The following SV2B variants were observed in gnomAD, a reference collection of about 807,000 sequenced individuals.
SV2B encodes solute carrier family 22 member B2.
Under a neutral mutation model 73.9 loss-of-function variants are expected in SV2B, and 41 were observed. The ratio of observed to expected loss-of-function variants is 0.56; its 90% CI spans 0.43 to 0.72. SV2B has a LOEUF of 0.72. Ranked by LOEUF, SV2B falls within the 30% of genes least tolerant of loss-of-function variation. The probability of loss-of-function intolerance (pLI) is 0.00; values close to 1 mark genes in which losing one functional copy is unlikely to be tolerated. For synonymous variants in SV2B, 314 were observed against 314.2 expected, an observed-to-expected ratio of 1.00 and a Z score of 0.01; for missense variants, 764 against 857.8, an observed-to-expected ratio of 0.89 and a Z score of 1.37.
At chr15:91,211,780 G>A (rs1421417256) in intron 1 of SV2B, among the ~76,000 whole-genome samples, 9 of 148,630 alleles carry the variant, frequency 6.1e-5, no homozygotes, top group Admixed American at 1.3e-4. Context: ...GGGATTACAG[G>A]CATGAGCCAC....
Position 91,252,316 on chromosome 15 carries a change from A to G in SV2B, c.633-53A>G. 6.4e-7 allele frequency: 1 copy of G among 1,557,130 alleles called. No individual in the cohort carries two copies. Among genetic ancestry groups the G allele is most frequent in the Non-Finnish European group, 8.7e-7 (1 of 1,149,178 alleles). ...TATAGGCAACTTGGTTTCTGCTGTG[A>G]CCATTTTTAGTGTATGACTTGATTC... On this transcript the variant is annotated intron_variant, in intron 3 of 12. Coordinates refer to ENST00000394232, the MANE Select transcript of SV2B (RefSeq NM_001323032.3). The surrounding 1 kb of genome is among the most constrained non-coding windows in gnomAD (Gnocchi z 4.6).
chr15:91,111,193 A>T (rs1284355870), intron 1 of SV2B, among the ~76,000 whole-genome samples: 1 of 152,304 alleles, frequency 6.6e-6, no homozygotes, highest in South Asian at 2.1e-4. Context: ...AGGCCGGGCT[A>T]GTCCTATCAG....
At chr15:91,205,884 C>T (rs750584271) in intron 1 of SV2B, among the ~76,000 whole-genome samples, 4 of 152,164 alleles carry the variant, frequency 2.6e-5, no homozygotes, top group African/African-American at 4.8e-5. Context: ...GCAGCAGTCA[C>T]GCACTGGAGG....
intron 1 of SV2B, among the ~76,000 whole-genome samples, chr15:91,159,853 C>G (rs571964683): frequency 7.9e-5 from 12 of 152,022 alleles, no homozygotes; most frequent in Admixed American, 3.9e-4. Flanking sequence ...ATCTAAGTGT[C>G]TAAGTGAAAA....
chr15:91,172,155 T>C (rs2044143964), intron 1 of SV2B, among the ~76,000 whole-genome samples: 1 of 152,212 alleles, frequency 6.6e-6, no homozygotes, highest in African/African-American at 2.4e-5. Context: ...ACTCCCTCAC[T>C]GGGCATTCAG....
chr15:91,107,016 C>T (rs1452410239), intron 1 of SV2B, among the ~76,000 whole-genome samples: 2 of 151,972 alleles, frequency 1.3e-5, no homozygotes. Context: ...GTTTTGTTTG[C>T]AATGATGTTG....
At chr15:91,244,551 A>G (rs538552944) in intron 2 of SV2B, among the ~76,000 whole-genome samples, 1 of 152,370 alleles carries the variant, frequency 6.6e-6, no homozygotes, top group East Asian at 1.9e-4. Context: ...TCCAGATGCC[A>G]CATAAACAAA....
At chr15:91,210,562 T>TG (rs2045819601) in intron 1 of SV2B, among the ~76,000 whole-genome samples, 1 of 152,092 alleles carries the variant, frequency 6.6e-6, no homozygotes, top group African/African-American at 2.4e-5. Flanking sequence ...TGGGGTGTGT[T>TG]GGGGAATGAT....
intron 1 of SV2B, among the ~76,000 whole-genome samples, chr15:91,191,682 G>C (rs1341072034): frequency 6.6e-6 from 1 of 152,102 alleles, no homozygotes; most frequent in African/African-American, 2.4e-5. Flanking sequence ...CAAATGTCTG[G>C]TGCAAAATTT....
In SV2B at chr15:91,297,529, G is replaced by A. The variant is rs2049294492; in HGVS notation, c.*4977G>A. 1 of 152,168 alleles carries A rather than the reference G, an allele frequency of 6.6e-6. No homozygotes were observed. Among genetic ancestry groups the A allele is most frequent in the South Asian group, 2.1e-4 (1 of 4,828 alleles). 9.4% of individuals were successfully genotyped at this position (152,168 alleles called of 1,614,324 possible). A position where few individuals can be genotyped will look rare whatever the true frequency, so the allele number is the denominator to read the frequency against. ...CGGATTCTGGGGATTTGGAATCTGG[G>A]GTGGGGTCTGAAGAATCTGCATTTT... On this transcript the variant is annotated 3_prime_UTR_variant, in exon 13 of 13. Transcript: ENST00000394232. This position sits in a 1 kb window ranked among gnomAD's most constrained non-coding sequence, Gnocchi z 5.1.
chr15:91,144,291 TCTC>T (rs1259810851), intron 1 of SV2B, among the ~76,000 whole-genome samples: 3 of 152,152 alleles, frequency 2.0e-5, no homozygotes, highest in Non-Finnish European at 2.9e-5. Flanking sequence ...CAAATATACT[TCTC>T]CTTGGTGTGC....
chr15:91,193,240 C>A (rs2045111686), intron 1 of SV2B, among the ~76,000 whole-genome samples: 1 of 152,092 alleles, frequency 6.6e-6, no homozygotes, highest in Admixed American at 6.5e-5. Context: ...AGACGGCCTG[C>A]TTAGGGGATG....
In SV2B at chr15:91,293,230, G is replaced by A. The variant is rs1448854106; in HGVS notation, c.*678G>A. The stretch of plus-strand genomic sequence containing the variant: ...TTGCTCTATTCAAAGAAACGGAATG[G>A]GATAGTTATTCTGTAAACTAAGTTT... On this transcript the variant is annotated 3_prime_UTR_variant, in exon 13 of 13. Transcript: ENST00000394232. 6.6e-6 allele frequency: 1 copy of A among 152,140 alleles called. No individual in the cohort carries two copies. The allele number at this position is 152,140 out of a possible 1,614,324, so 9.4% of individuals were successfully genotyped here.
chr15:91,198,080 T>C (rs977587991), intron 1 of SV2B, among the ~76,000 whole-genome samples: 1 of 152,060 alleles, frequency 6.6e-6, no homozygotes, highest in Non-Finnish European at 1.5e-5. Context: ...ATGAACACAT[T>C]ACTATGTAGG....
At chr15:91,150,047 C>A (rs1003463303) in intron 1 of SV2B, among the ~76,000 whole-genome samples, 5 of 152,134 alleles carry the variant, frequency 3.3e-5, no homozygotes, top group Admixed American at 2.6e-4. Flanking sequence ...CTCTGTCACC[C>A]AGGCTGGAGT....
chr15:91,173,630 C>T (rs1007816024), intron 1 of SV2B, among the ~76,000 whole-genome samples: 1 of 152,196 alleles, frequency 6.6e-6, no homozygotes, highest in Non-Finnish European at 1.5e-5. Context: ...TGTGTCCACA[C>T]CTCATGACTT....
intron 1 of SV2B, among the ~76,000 whole-genome samples, chr15:91,116,323 C>A (rs2042177084): frequency 6.6e-6 from 1 of 152,124 alleles, no homozygotes; most frequent in Non-Finnish European, 1.5e-5. Context: ...GCACCCCTGG[C>A]TGCTTTGCTG....
chr15:91,107,175 A>G (rs1030110620), intron 1 of SV2B, among the ~76,000 whole-genome samples: 2 of 152,054 alleles, frequency 1.3e-5, no homozygotes, highest in Non-Finnish European at 1.5e-5. Flanking sequence ...AAAGAGATGC[A>G]AGCTGCCCTT....
rs1006169256 is a variant in SV2B, at chr15:91,129,065, G to A, written c.-392+28702G>A. 1.3e-5 allele frequency among the ~76,000 whole-genome samples: 2 copies of A among 152,202 alleles called. No homozygotes were observed. Among genetic ancestry groups the A allele is most frequent in the South Asian group, 2.1e-4 (1 of 4,834 alleles). ...ACTTCAGAGGGCCAGGGAGCCCTTGGCCCCTACATGGCCACATGTAAGTCT... is the reference window on the plus strand; with the variant it reads ...ACTTCAGAGGGCCAGGGAGCCCTTGACCCCTACATGGCCACATGTAAGTCT... On this transcript the variant is annotated intron_variant, in intron 1 of 12. Transcript: ENST00000394232. This position sits in a 1 kb window ranked among gnomAD's most constrained non-coding sequence, Gnocchi z 5.1.
Sources: gnomAD v4.1 joint callset for allele counts (sites outside exome capture counted in the v4.1 genomes callset) on GRCh38, gnomAD v4.1.1 for gene constraint, Gnocchi (gnomAD v3.1) non-coding constraint, MANE v1.5 for transcripts, NCBI Gene and HGNC (gene_info 2026-07-23, HGNC 2026-07-21) for gene names.